Variants in RABGAP1L observed in about 807,000 individuals in gnomAD.
RABGAP1L encodes the protein rab GTPase-activating protein 1-like.
RABGAP1L carries 63 observed loss-of-function variants against 137.7 expected under a neutral mutation model. The observed-to-expected ratio is 0.46, with a 90% CI of 0.37 to 0.56. RABGAP1L has a LOEUF of 0.56. Ranked by LOEUF, RABGAP1L falls within the 20% of genes least tolerant of loss-of-function variation. The pLI, the probability that RABGAP1L is intolerant of heterozygous loss-of-function variation, is 0.00. For missense variants in RABGAP1L, 1,095 were observed against 1,244.0 expected, an observed-to-expected ratio of 0.88 and a Z score of 1.80; for synonymous variants, 431 against 433.7, an observed-to-expected ratio of 0.99 and a Z score of 0.08.
intron 11 of RABGAP1L, among the ~76,000 whole-genome samples, chr1:174,322,400 A>C (rs1048468079): frequency 8.5e-5 from 13 of 152,178 alleles, no homozygotes; most frequent in African/African-American, 2.9e-4. Flanking sequence ...CTGTCTGGGC[A>C]TGTAGTCACC....
intron 12 of RABGAP1L, among the ~76,000 whole-genome samples, chr1:174,385,459 A>C (rs1462628036): frequency 6.6e-6 from 1 of 152,238 alleles, no homozygotes; most frequent in Non-Finnish European, 1.5e-5. Context: ...GTTCAAGGAA[A>C]AGATAGGGAA....
At chr1:174,520,271 A>G (rs2147842925) in intron 13 of RABGAP1L, among the ~76,000 whole-genome samples, 1 of 152,338 alleles carries the variant, frequency 6.6e-6, no homozygotes. Flanking sequence ...AGTATTGACT[A>G]GATATTTATG....
intron 7 of RABGAP1L, among the ~76,000 whole-genome samples, chr1:174,255,030 C>G (rs1427041546): frequency 6.6e-6 from 1 of 152,222 alleles, no homozygotes. Flanking sequence ...GATTGCCATT[C>G]TAACTGGTGT....
intron 17 of RABGAP1L, among the ~76,000 whole-genome samples, chr1:174,728,856 G>A (rs1682222907): frequency 6.6e-6 from 1 of 152,094 alleles, no homozygotes; most frequent in Admixed American, 6.5e-5. Context: ...GGCCAGGTTG[G>A]TCTCGAGCTC....
intron 13 of RABGAP1L, among the ~76,000 whole-genome samples, chr1:174,434,479 A>G (rs887716381): frequency 6.6e-6 from 1 of 152,112 alleles, no homozygotes; most frequent in South Asian, 2.1e-4. Flanking sequence ...TTTCCTTTCT[A>G]TTGGAAGGAA....
intron 19 of RABGAP1L, among the ~76,000 whole-genome samples, chr1:174,931,111 A>G (rs910542927): frequency 4.6e-5 from 7 of 152,150 alleles, no homozygotes; most frequent in African/African-American, 1.7e-4. Context: ...AATGCTCTTA[A>G]TTTATAATTT....
intron 13 of RABGAP1L, among the ~76,000 whole-genome samples, chr1:174,622,008 C>G (rs895711713): frequency 3.5e-5 from 5 of 142,198 alleles, no homozygotes; most frequent in African/African-American, 6.3e-5. Context: ...AATCTACAAA[C>G]AAAAAGCAAA....
intron 5 of RABGAP1L, among the ~76,000 whole-genome samples, chr1:174,250,131 A>C (rs942478065): frequency 1.3e-5 from 2 of 152,224 alleles, no homozygotes; most frequent in African/African-American, 4.8e-5. Flanking sequence ...TATTAATTTC[A>C]AAGTAAAAAA....
intron 15 of RABGAP1L, among the ~76,000 whole-genome samples, chr1:174,683,862 G>A (rs981709145): frequency 2.6e-5 from 4 of 152,194 alleles, no homozygotes; most frequent in Non-Finnish European, 4.4e-5. Context: ...AATTAAAGAA[G>A]TCGGTATAAC....
chr1:174,665,663 C>A (rs1676738470), intron 14 of RABGAP1L, among the ~76,000 whole-genome samples: 1 of 152,144 alleles, frequency 6.6e-6, no homozygotes, highest in Non-Finnish European at 1.5e-5. Context: ...CCATGTTGGC[C>A]ATGTTTGGCC....
intron 7 of RABGAP1L, among the ~76,000 whole-genome samples, chr1:174,261,430 C>T (rs759317678): frequency 1.1e-4 from 17 of 152,040 alleles, no homozygotes; most frequent in Non-Finnish European, 2.5e-4. Flanking sequence ...TTGTGCTTGC[C>T]GGCTTGCAGC....
chr1:174,788,717 T>C (rs1687638254), intron 18 of RABGAP1L, among the ~76,000 whole-genome samples: 1 of 152,176 alleles, frequency 6.6e-6, no homozygotes, highest in Non-Finnish European at 1.5e-5. Context: ...CAAATGTACC[T>C]ATTGGACACA....
intron 18 of RABGAP1L, among the ~76,000 whole-genome samples, chr1:174,809,033 A>G (rs1470598783): frequency 1.3e-5 from 2 of 152,218 alleles, no homozygotes; most frequent in African/African-American, 4.8e-5. Flanking sequence ...CAAGTTTGCC[A>G]AAGTTGAAGT....
intron 14 of RABGAP1L, among the ~76,000 whole-genome samples, chr1:174,651,255 C>G (rs370745099): frequency 3.3e-5 from 5 of 151,882 alleles, no homozygotes; most frequent in Non-Finnish European, 5.9e-5. Flanking sequence ...TTACTTCCAA[C>G]TATGTGGTCA....
intron 20 of RABGAP1L, 110 bp downstream of exon 20, chr1:174,957,659 CT>C: frequency 9.7e-7 from 1 of 1,027,294 alleles, no homozygotes; most frequent in Non-Finnish European, 1.5e-6. Flanking sequence ...TCAAGCAATC[CT>C]CCCACTCCAG....
chr1:174,387,430 T>G lies in RABGAP1L; in HGVS notation c.1560-6565T>G, dbSNP rs576822749. Among the ~76,000 whole-genome samples, 6 of 152,310 alleles carry G rather than the reference T, an allele frequency of 3.9e-5. No homozygotes were observed. In the East Asian group the frequency reaches 7.7e-4, roughly 20 times the overall value. On this transcript the variant is annotated intron_variant, in intron 12 of 25. Transcript: ENST00000681986. ...TAAGCATTGTAGACCTAATGGAAAT[T>G]TTTGAATGTACACAGAAATAAAATA... is the stretch of plus-strand genomic sequence containing the variant.
At chr1:174,515,795 G>T (rs1332156596) in intron 13 of RABGAP1L, among the ~76,000 whole-genome samples, 3 of 151,874 alleles carry the variant, frequency 2.0e-5, no homozygotes, top group Non-Finnish European at 4.4e-5. Context: ...GAAATAGTCC[G>T]CCTTATTGCC....
At chr1:174,720,208 A>G (rs1681384194) in intron 17 of RABGAP1L, among the ~76,000 whole-genome samples, 2 of 152,110 alleles carry the variant, frequency 1.3e-5, no homozygotes, top group African/African-American at 4.8e-5. Flanking sequence ...CCTTTTCAAC[A>G]AATGTTGCTG....
chr1:174,987,288 G>C (rs1255861393), intron 24 of RABGAP1L, among the ~76,000 whole-genome samples: 1 of 151,692 alleles, frequency 6.6e-6, no homozygotes, highest in Non-Finnish European at 1.5e-5. Flanking sequence ...TGCCTCAGCC[G>C]CCTGAGTAGC....
Sources: allele counts gnomAD v4.1 joint callset (sites outside exome capture counted in the v4.1 genomes callset), GRCh38; gene constraint gnomAD v4.1.1; transcripts MANE v1.5; gene names NCBI Gene and HGNC (gene_info 2026-07-23, HGNC 2026-07-21).